Variants in DCLK1 observed in about 807,000 individuals in gnomAD.
The protein encoded by DCLK1 is serine/threonine-protein kinase DCLK1.
Under a neutral mutation model 86.2 loss-of-function variants are expected in DCLK1, and 16 were observed. The observed-to-expected ratio is 0.19, with a 90% CI of 0.13 to 0.28. The LOEUF (loss-of-function observed/expected upper bound fraction) is 0.28. Among genes scored for constraint, DCLK1 ranks in the 10% least tolerant of loss-of-function variants. DCLK1 has a pLI of 1.00. For missense variants in DCLK1, 590 were observed against 940.2 expected (o/e 0.63, Z 4.87); for synonymous variants, 369 against 370.5 (o/e 1.00, Z 0.05).
chr13:35,913,369 C>G (rs965407068), intron 4 of DCLK1, among the ~76,000 whole-genome samples: 1 of 152,234 alleles, frequency 6.6e-6, no homozygotes, highest in Non-Finnish European at 1.5e-5. Context: ...ATACAATATT[C>G]ATACCCAGTG....
rs138151612 is a variant in DCLK1, at chr13:36,020,369, T to C, written c.724-72912A>G. On this transcript the variant is annotated intron_variant, in intron 3 of 16. Transcript: ENST00000360631. Reference sequence around the variant, plus strand: ...AAGCACTTCTGGAATGGCTCCTCCATAGAAATAAAAACAATGGCAAAAAGT... The same window carrying C: ...AAGCACTTCTGGAATGGCTCCTCCACAGAAATAAAAACAATGGCAAAAAGT... 3.9e-5 allele frequency among the ~76,000 whole-genome samples: 6 copies of C among 152,220 alleles called. No individual in the cohort carries two copies. The East Asian group carries it at 1.2e-3, about 29-fold the overall frequency.
At chr13:35,867,700 C>G (rs1475522279) in intron 5 of DCLK1, among the ~76,000 whole-genome samples, 1 of 151,954 alleles carries the variant, frequency 6.6e-6, no homozygotes, top group South Asian at 2.1e-4. Context: ...TCTTACAATG[C>G]TGAATAGTGA....
chr13:35,950,104 C>G (rs991909306), intron 3 of DCLK1, among the ~76,000 whole-genome samples: 3 of 152,200 alleles, frequency 2.0e-5, no homozygotes, highest in Non-Finnish European at 4.4e-5. Flanking sequence ...TAACCACTTT[C>G]CTGCTCACAA....
At chr13:36,071,625 T>A (rs965645573) in intron 3 of DCLK1, among the ~76,000 whole-genome samples, 1 of 152,164 alleles carries the variant, frequency 6.6e-6, no homozygotes, top group Admixed American at 6.5e-5. Context: ...GCATTTTGAG[T>A]TATTTCATTT....
chr13:36,018,622 A>C (rs1376426663), intron 3 of DCLK1, among the ~76,000 whole-genome samples: 1 of 152,164 alleles, frequency 6.6e-6, no homozygotes, highest in Non-Finnish European at 1.5e-5. Flanking sequence ...CAAATGTGTT[A>C]ATTTACTGTG....
At chr13:35,839,316 C>A in intron 6 of DCLK1, 140 bp from the exon 7 acceptor site, 2 of 646,170 alleles carry the variant, frequency 3.1e-6, no homozygotes, top group Admixed American at 2.8e-5. Flanking sequence ...GAAAAAGACG[C>A]CTTCAGCATA....
intron 4 of DCLK1, among the ~76,000 whole-genome samples, chr13:35,879,596 C>T (rs1249962936): frequency 1.3e-5 from 2 of 152,140 alleles, no homozygotes; most frequent in Non-Finnish European, 2.9e-5. Flanking sequence ...GCTTGGTAAC[C>T]CAAGTTCCTA....
rs940234900 is a variant in DCLK1, at chr13:35,855,910, A to G, written c.941-1317T>C. 1.6e-5 allele frequency: 16 copies of G among 1,016,870 alleles called. No homozygotes were observed. The African/African-American group carries it at 2.5e-4, about 16-fold the overall frequency. 63.0% of individuals were successfully genotyped at this position (1,016,870 alleles called of 1,614,324 possible). ...TGACTCATCTGAAAATCGAAATGACAATAACTCTTCTAAAGCCTGGTGACT... is the reference window on the plus strand; with the variant it reads ...TGACTCATCTGAAAATCGAAATGACGATAACTCTTCTAAAGCCTGGTGACT... On this transcript the variant is annotated intron_variant, in intron 5 of 16. Transcript: ENST00000360631.
At chr13:36,079,134 C>G (rs1307996953) in intron 3 of DCLK1, among the ~76,000 whole-genome samples, 1 of 152,102 alleles carries the variant, frequency 6.6e-6, no homozygotes, top group Non-Finnish European at 1.5e-5. Context: ...GTGGAAATGC[C>G]TAGAATGTTA....
intron 16 of DCLK1, among the ~76,000 whole-genome samples, chr13:35,782,664 T>A (rs1473552805): frequency 6.6e-6 from 1 of 152,228 alleles, no homozygotes; most frequent in Non-Finnish European, 1.5e-5. Context: ...AAATGGTCCC[T>A]TCTTCGGAGA....
At chr13:35,952,982 A>C (rs1392787672) in intron 3 of DCLK1, among the ~76,000 whole-genome samples, 1 of 152,202 alleles carries the variant, frequency 6.6e-6, no homozygotes, top group East Asian at 1.9e-4. Flanking sequence ...GAGTGACTTA[A>C]ATTCTCTTGC....
At chr13:35,853,776 T>C (rs1170216681) in intron 6 of DCLK1, among the ~76,000 whole-genome samples, 4 of 152,166 alleles carry the variant, frequency 2.6e-5, no homozygotes, top group South Asian at 2.1e-4. Context: ...CCTTCCGTTT[T>C]TGGCATTGTA....
intron 3 of DCLK1, among the ~76,000 whole-genome samples, chr13:35,978,539 A>G (rs116441499): frequency 6.0e-4 from 92 of 152,178 alleles, no homozygotes; most frequent in African/African-American, 2.2e-3. Context: ...TAAGTCTACA[A>G]TGTAGTACTC....
At chr13:36,078,049 G>A (rs973518587) in intron 3 of DCLK1, among the ~76,000 whole-genome samples, 1 of 152,198 alleles carries the variant, frequency 6.6e-6, no homozygotes. Flanking sequence ...GGTATTTGGA[G>A]ATGGAGCCTT....
chr13:36,103,539 A>G (rs1175966094), intron 3 of DCLK1, among the ~76,000 whole-genome samples: 1 of 152,052 alleles, frequency 6.6e-6, no homozygotes, highest in Non-Finnish European at 1.5e-5. Flanking sequence ...TACATTGATT[A>G]TATATTAATC....
intron 3 of DCLK1, among the ~76,000 whole-genome samples, chr13:36,037,279 A>G (rs1171906028): frequency 1.3e-5 from 2 of 152,182 alleles, no homozygotes; most frequent in East Asian, 3.8e-4. Flanking sequence ...AAGTTGATTG[A>G]AGGGTACAAG....
At chr13:36,021,805 G>C (rs79591347) in intron 3 of DCLK1, among the ~76,000 whole-genome samples, 1 of 152,004 alleles carries the variant, frequency 6.6e-6, no homozygotes, top group Non-Finnish European at 1.5e-5. Context: ...AATAGTTAGA[G>C]ACCTCAATAC....
At chr13:35,904,392 G>C (rs1231262612) in intron 4 of DCLK1, among the ~76,000 whole-genome samples, 1 of 152,032 alleles carries the variant, frequency 6.6e-6, no homozygotes, top group Admixed American at 6.6e-5. Context: ...GGGTTTCACC[G>C]TGTTGGCCAG....
At chr13:35,905,833 C>T (rs1593719586) in intron 4 of DCLK1, among the ~76,000 whole-genome samples, 1 of 147,036 alleles carries the variant, frequency 6.8e-6, no homozygotes, top group African/African-American at 2.7e-5. Context: ...CTGTGGGCTC[C>T]GTCTCAAAAA....
Sources: gnomAD v4.1 joint callset for allele counts (sites outside exome capture counted in the v4.1 genomes callset) on GRCh38, gnomAD v4.1.1 for gene constraint, MANE v1.5 for transcripts, NCBI Gene and HGNC (gene_info 2026-07-23, HGNC 2026-07-21) for gene names.